C1QTNF7: variants seen among roughly 807,000 people sequenced by gnomAD.
The protein encoded by C1QTNF7 is C1q and TNF related 7.
Under a neutral mutation model 19.6 loss-of-function variants are expected in C1QTNF7, and 15 were observed. That is an observed-to-expected ratio of 0.76 (90% CI 0.51 to 1.18). C1QTNF7 has a LOEUF of 1.18. C1QTNF7 is among the 50% of genes most tolerant of loss of function. The probability of loss-of-function intolerance (pLI) is 0.00; values close to 1 mark genes in which losing one functional copy is unlikely to be tolerated. For missense variants in C1QTNF7, 324 were observed against 359.7 expected (o/e 0.90, Z 0.80); for synonymous variants, 142 against 137.5 (o/e 1.03, Z -0.23).
chr4:15,396,792 A>G (rs1205072452), intron 1 of C1QTNF7, among the ~76,000 whole-genome samples: 1 of 152,022 alleles, frequency 6.6e-6, no homozygotes, highest in African/African-American at 2.4e-5. Flanking sequence ...GCTTTCCATC[A>G]CCAGCCCTTC....
At chr4:15,364,500 G>A (rs911296847) in intron 1 of C1QTNF7, among the ~76,000 whole-genome samples, 1 of 152,174 alleles carries the variant, frequency 6.6e-6, no homozygotes, top group Admixed American at 6.5e-5. Flanking sequence ...GTAGATGGGG[G>A]AAGGAAATTT....
intron 1 of C1QTNF7, among the ~76,000 whole-genome samples, chr4:15,384,602 C>T (rs767987299): frequency 1.3e-5 from 2 of 152,116 alleles, no homozygotes; most frequent in East Asian, 1.9e-4. Context: ...AACTGAATTC[C>T]GGAGCTTTTC....
At chr4:15,342,765 G>A (rs1049290169) in intron 1 of C1QTNF7, among the ~76,000 whole-genome samples, 6 of 152,174 alleles carry the variant, frequency 3.9e-5, no homozygotes, top group Non-Finnish European at 2.9e-5. Flanking sequence ...GCACTTTCAT[G>A]GGTTATTATT....
At chr4:15,441,725 T>G (rs926185865) in intron 2 of C1QTNF7, among the ~76,000 whole-genome samples, 1 of 152,210 alleles carries the variant, frequency 6.6e-6, no homozygotes, top group Non-Finnish European at 1.5e-5. Flanking sequence ...AGTGATGTTT[T>G]AAAAGTTTAT....
chr4:15,393,556 G>T (rs539023356), intron 1 of C1QTNF7, among the ~76,000 whole-genome samples: 1 of 152,366 alleles, frequency 6.6e-6, no homozygotes, highest in African/African-American at 2.4e-5. Context: ...TTCTGGAAAT[G>T]TGAAGTAGGG....
At chr4:15,412,615 C>T (rs747813465) in intron 1 of C1QTNF7, among the ~76,000 whole-genome samples, 1 of 152,192 alleles carries the variant, frequency 6.6e-6, no homozygotes, top group Admixed American at 6.5e-5. Flanking sequence ...CAAGACTCTT[C>T]ATTTAATCAC....
intron 1 of C1QTNF7, among the ~76,000 whole-genome samples, chr4:15,394,783 T>C (rs187287713): frequency 1.8e-4 from 28 of 152,260 alleles, no homozygotes; most frequent in Admixed American, 5.2e-4. Flanking sequence ...TATCAGAAGG[T>C]CTTGAACCAT....
chr4:15,404,019 G>C (rs1450001263), intron 1 of C1QTNF7, among the ~76,000 whole-genome samples: 1 of 152,090 alleles, frequency 6.6e-6, no homozygotes, highest in Non-Finnish European at 1.5e-5. Flanking sequence ...TACTAATAAT[G>C]TACTTATTGT....
intron 1 of C1QTNF7, among the ~76,000 whole-genome samples, chr4:15,355,281 C>T (rs988538611): frequency 1.3e-5 from 2 of 152,128 alleles, no homozygotes; most frequent in African/African-American, 4.8e-5. Flanking sequence ...AGGAAGTAAA[C>T]TTCATGTGAC....
chr4:15,413,604 C>T (rs536440664), intron 1 of C1QTNF7, among the ~76,000 whole-genome samples: 1 of 152,294 alleles, frequency 6.6e-6, no homozygotes, highest in African/African-American at 2.4e-5. Context: ...TTGTTGAGCT[C>T]TTTACTGCTG....
chr4:15,352,125 A>C (rs1322669734), intron 1 of C1QTNF7, among the ~76,000 whole-genome samples: 1 of 152,172 alleles, frequency 6.6e-6, no homozygotes, highest in East Asian at 1.9e-4. Flanking sequence ...TCATCAGAGA[A>C]TCTTGACCAA....
At chr4:15,350,470 C>CTGTAAAGTTACTCATTT in intron 1 of C1QTNF7, among the ~76,000 whole-genome samples, 1 of 151,806 alleles carries the variant, frequency 6.6e-6, no homozygotes, top group African/African-American at 2.4e-5. Context: ...TTTTCTTCCC[C>CTGTAAAGTTACTCATTT]TCTGTCACCA....
intron 1 of C1QTNF7, chr4:15,374,623 G>T: frequency 1.0e-6 from 1 of 985,314 alleles, no homozygotes; most frequent in African/African-American, 1.7e-5. Flanking sequence ...TTTTGAAAGC[G>T]AATCAGGAAA....
At chr4:15,412,059 C>T (rs1413891732) in intron 1 of C1QTNF7, among the ~76,000 whole-genome samples, 1 of 152,050 alleles carries the variant, frequency 6.6e-6, no homozygotes, top group African/African-American at 2.4e-5. Context: ...CTCACAGGAG[C>T]GCAAACCCCA....
At chr4:15,364,010 G>A (rs1483783351) in intron 1 of C1QTNF7, among the ~76,000 whole-genome samples, 1 of 152,132 alleles carries the variant, frequency 6.6e-6, no homozygotes, top group Non-Finnish European at 1.5e-5. Flanking sequence ...TGCAATGTCA[G>A]CTTCCACTTG....
At chr4:15,409,079 A>G (rs1719308821) in intron 1 of C1QTNF7, among the ~76,000 whole-genome samples, 1 of 152,164 alleles carries the variant, frequency 6.6e-6, no homozygotes, top group South Asian at 2.1e-4. Context: ...TTTCAGATCA[A>G]TTTTCAATTC....
intron 1 of C1QTNF7, among the ~76,000 whole-genome samples, chr4:15,355,406 T>G (rs940690804): frequency 3.3e-5 from 5 of 152,118 alleles, no homozygotes; most frequent in African/African-American, 1.2e-4. Flanking sequence ...ATATGGATCA[T>G]GTGTTAAACC....
chr4:15,422,600 A>G (rs1467447222), intron 1 of C1QTNF7, among the ~76,000 whole-genome samples: 1 of 151,998 alleles, frequency 6.6e-6, no homozygotes, highest in East Asian at 1.9e-4. Context: ...ATATGTTTAA[A>G]ACTTTCGATA....
intron 1 of C1QTNF7, among the ~76,000 whole-genome samples, chr4:15,368,268 C>G (rs1389830990): frequency 1.3e-5 from 2 of 152,160 alleles, no homozygotes; most frequent in East Asian, 1.9e-4. Flanking sequence ...TTTCAGCATG[C>G]TTTTTTCTTT....
Sources: allele counts gnomAD v4.1 joint callset (sites outside exome capture counted in the v4.1 genomes callset), GRCh38; gene constraint gnomAD v4.1.1; transcripts MANE v1.5; gene names NCBI Gene and HGNC (gene_info 2026-07-23, HGNC 2026-07-21).